The following FUT9 variants were observed in gnomAD, a reference collection of about 807,000 sequenced individuals.
The protein encoded by FUT9 is fucosyltransferase 9, also known as 4-galactosyl-N-acetylglucosaminide 3-alpha-L-fucosyltransferase 9.
FUT9 carries 15 observed loss-of-function variants against 29.7 expected under a neutral mutation model. That is an observed-to-expected ratio of 0.51 (90% confidence interval 0.34 to 0.78). The LOEUF is 0.78. Ranked by LOEUF, FUT9 falls within the 30% of genes least tolerant of loss-of-function variation. The pLI is 0.01. For missense variants in FUT9, 319 were observed against 425.4 expected (o/e 0.75, Z 2.20); for synonymous variants, 169 against 153.7 (o/e 1.10, Z -0.74).
intron 1 of FUT9, among the ~76,000 whole-genome samples, chr6:96,025,461 C>T (rs1770151372): frequency 6.6e-6 from 1 of 151,750 alleles, no homozygotes; most frequent in Non-Finnish European, 1.5e-5. Flanking sequence ...AGACTTCTCT[C>T]AAATATTTAT....
intron 1 of FUT9, among the ~76,000 whole-genome samples, chr6:96,066,692 G>T (rs1304918461): frequency 6.6e-6 from 1 of 150,972 alleles, no homozygotes; most frequent in Non-Finnish European, 1.5e-5. Context: ...TAATTAGTAA[G>T]CTGATAGAGT....
chr6:96,127,173 C>T (rs1229778515), intron 2 of FUT9, among the ~76,000 whole-genome samples: 2 of 152,094 alleles, frequency 1.3e-5, no homozygotes, highest in Non-Finnish European at 2.9e-5. Flanking sequence ...GTTTTTCAAT[C>T]CTCACCCTCC....
intron 2 of FUT9, among the ~76,000 whole-genome samples, chr6:96,192,333 C>T (rs962853174): frequency 4.6e-5 from 7 of 152,154 alleles, no homozygotes; most frequent in African/African-American, 1.7e-4. Context: ...TCTCCTTAAG[C>T]TGATAGCAAC....
chr6:96,037,416 TA>T (rs774241901), intron 1 of FUT9: 5 of 152,022 alleles, frequency 3.3e-5, no homozygotes, highest in African/African-American at 1.2e-4. Context: ...ATTCAGTAAA[TA>T]AATTTAATAA....
At chr6:96,067,670 TGCTTTTA>T (rs1260762150) in intron 1 of FUT9, among the ~76,000 whole-genome samples, 1 of 152,164 alleles carries the variant, frequency 6.6e-6, no homozygotes, top group Admixed American at 6.5e-5. Flanking sequence ...ATGACTCTGA[TGCTTTTA>T]GCTTTTAGCT....
intron 1 of FUT9, among the ~76,000 whole-genome samples, chr6:96,063,987 C>T (rs754401961): frequency 2.0e-4 from 31 of 152,156 alleles, no homozygotes; most frequent in Non-Finnish European, 4.0e-4. Context: ...CCAGTAGTCT[C>T]TTGGTTACAC....
intron 1 of FUT9, among the ~76,000 whole-genome samples, chr6:96,082,601 G>T (rs1771254576): frequency 6.6e-6 from 1 of 151,852 alleles, no homozygotes; most frequent in African/African-American, 2.4e-5. Flanking sequence ...GTCTTGGCTA[G>T]TGTTGTCCCT....
intron 1 of FUT9, among the ~76,000 whole-genome samples, chr6:96,072,748 T>TTG (rs1771084339): frequency 6.6e-6 from 1 of 152,238 alleles, no homozygotes; most frequent in Non-Finnish European, 1.5e-5. Context: ...GTTTGTCATT[T>TTG]TGTGCTATAT....
At chr6:96,077,019 T>A (rs911204227) in intron 1 of FUT9, among the ~76,000 whole-genome samples, 1 of 152,128 alleles carries the variant, frequency 6.6e-6, no homozygotes, top group Admixed American at 6.6e-5. Flanking sequence ...ATACAAAAAG[T>A]CTAGTAAAGG....
chr6:96,165,490 C>A (rs1057292916), intron 2 of FUT9, among the ~76,000 whole-genome samples: 1 of 147,412 alleles, frequency 6.8e-6, no homozygotes, highest in African/African-American at 2.5e-5. Flanking sequence ...AAAAAGTGAT[C>A]TCTCCTTTAT....
chr6:96,106,904 T>TA (rs528673563), intron 1 of FUT9, among the ~76,000 whole-genome samples: 2 of 152,190 alleles, frequency 1.3e-5, no homozygotes, highest in African/African-American at 4.8e-5. Flanking sequence ...AATTAAAAAA[T>TA]AAAAAAATTC....
At chr6:96,184,881 T>C (rs1480115660) in intron 2 of FUT9, among the ~76,000 whole-genome samples, 1 of 152,086 alleles carries the variant, frequency 6.6e-6, no homozygotes, top group East Asian at 1.9e-4. Flanking sequence ...GTGAGCCATG[T>C]CTCATAAATC....
intron 1 of FUT9, among the ~76,000 whole-genome samples, chr6:96,099,146 T>C: frequency 6.6e-6 from 1 of 152,142 alleles, no homozygotes; most frequent in East Asian, 1.9e-4. Flanking sequence ...TGTGAAAATC[T>C]GTATAAAGTT....
rs1368470407 is a variant in FUT9, at chr6:96,210,203, T to G, written c.*5968T>G. On this transcript the variant is annotated 3_prime_UTR_variant, in exon 3 of 3. Transcript: ENST00000302103. ...TCTATTAAATATGAGGTATTACCTT[T>G]CTTTAGTTCACCTGGAATCTTCTTA... The G allele has an allele frequency of 6.0e-6, 1 of 166,930 alleles. No individual in the cohort carries two copies. The highest frequency in any genetic ancestry group is 2.4e-5 in the African/African-American group (1 of 41,434). The allele number at this position is 166,930 out of a possible 1,614,324, so 10.3% of individuals were successfully genotyped here. A position where few individuals can be genotyped will look rare whatever the true frequency, so the allele number is the denominator to read the frequency against.
chr6:96,196,943 T>C (rs536034439), intron 2 of FUT9, among the ~76,000 whole-genome samples: 16 of 152,228 alleles, frequency 1.1e-4, no homozygotes, highest in African/African-American at 3.6e-4. Context: ...GTTTTATTAG[T>C]GGCCTTGGAG....
intron 2 of FUT9, among the ~76,000 whole-genome samples, chr6:96,199,997 A>C (rs987924665): frequency 4.6e-5 from 7 of 152,176 alleles, no homozygotes; most frequent in Non-Finnish European, 7.4e-5. Flanking sequence ...CTAAAATGTT[A>C]ATTATCAAGT....
chr6:96,110,395 G>T (rs72929988), intron 1 of FUT9, among the ~76,000 whole-genome samples: 6,650 of 152,214 alleles, frequency 0.044, 183 homozygotes, highest in South Asian at 0.12. Context: ...AAGTGAATCT[G>T]TCATGCCACA....
intron 1 of FUT9, among the ~76,000 whole-genome samples, chr6:96,107,198 T>A (rs1050412453): frequency 6.6e-6 from 1 of 152,172 alleles, no homozygotes; most frequent in Non-Finnish European, 1.5e-5. Flanking sequence ...TAAAAAATTA[T>A]TCATACATGT....
chr6:96,037,601 A>C (rs541376087), intron 1 of FUT9, among the ~76,000 whole-genome samples: 1 of 152,158 alleles, frequency 6.6e-6, no homozygotes, highest in East Asian at 1.9e-4. Flanking sequence ...CAAAAATGGA[A>C]TTTAAAGATT....
Sources: gnomAD v4.1 joint callset for allele counts (sites outside exome capture counted in the v4.1 genomes callset) on GRCh38, gnomAD v4.1.1 for gene constraint, MANE v1.5 for transcripts, NCBI Gene and HGNC (gene_info 2026-07-23, HGNC 2026-07-21) for gene names.